Variants in NLRP2 observed in about 807,000 individuals in gnomAD.
NLRP2 encodes the protein NLR family pyrin domain containing 2.
Under a neutral mutation model 97.2 loss-of-function variants are expected in NLRP2, and 107 were observed. The ratio of observed to expected loss-of-function variants is 1.10; its 90% confidence interval spans 0.94 to 1.29. The LOEUF is 1.29. Among genes scored for constraint, NLRP2 ranks in the 50% most tolerant of loss-of-function variants. The pLI is 0.00. For missense variants in NLRP2, 1,495 were observed against 1,330.3 expected (o/e 1.12, Z -1.93); for synonymous variants, 663 against 551.5 (o/e 1.20, Z -2.83).
At chr19:55,000,652 AG>A (rs1413538852) in intron 12 of NLRP2, 107 bp from the exon 13 acceptor site, 14 of 1,115,116 alleles carry the variant, frequency 1.3e-5, no homozygotes, top group Non-Finnish European at 1.6e-5. Flanking sequence ...TAATCAGGAA[AG>A]GTGACCCATG....
Position 54,983,205 on chromosome 19 carries a change from C to T in NLRP2, c.1507C>T (p.His503Tyr), listed in dbSNP as rs780923397. The part of the protein sequence containing the change: ...RVSKGCYSFI[H>Y]LSFQQFLTAL... ...CTCCAAAGGCTGCTACTCCTTCATC[C>T]ACCTCAGCTTCCAGCAGTTTCTCAC... Residue 503 changes from histidine (H) to tyrosine (Y), a missense_variant, in exon 6 of 13, where the codon CAC (histidine) becomes TAC (tyrosine). By Grantham distance (83) the His-to-Tyr change is moderately conservative. Coordinates refer to ENST00000448584, the MANE Select transcript of NLRP2 (RefSeq NM_017852.5). The T allele has an allele frequency of 8.7e-6, 14 of 1,613,966 alleles. No individual in the cohort carries two copies. The highest frequency in any genetic ancestry group is 1.1e-5 in the Non-Finnish European group (13 of 1,180,014).
In NLRP2 at chr19:54,968,524, C is replaced by A. The variant is rs2070626011; in HGVS notation, c.-17-1475C>A. On this transcript the variant is annotated intron_variant, in intron 1 of 12. Transcript: ENST00000448584. ...TTTTTTTTGTATTTTTTTGTAGAGA[C>A]AGGGTTTTGCCATGTTGCCCAGGCT... 2.1e-5 allele frequency among the ~76,000 whole-genome samples: 3 copies of A among 145,564 alleles called. 1 individual carries two copies. In the South Asian group the frequency reaches 6.6e-4, roughly 32 times the overall value.
rs4806464 is a variant in NLRP2, at chr19:54,979,352, T to G, written c.397+1529T>G. Among the ~76,000 whole-genome samples, 9 of 152,006 alleles carry G rather than the reference T, an allele frequency of 5.9e-5. No individual in the cohort carries two copies. The South Asian group carries it at 8.3e-4, about 14-fold the overall frequency. Reference sequence around the variant, plus strand: ...CTTATCTTCCTGGTAGCATTTTTGTTTTTTCTTGAGAAAGAGTTTTGCCCT... The same window carrying G: ...CTTATCTTCCTGGTAGCATTTTTGTGTTTTCTTGAGAAAGAGTTTTGCCCT... On this transcript the variant is annotated intron_variant, in intron 4 of 12. Coordinates refer to ENST00000448584, the MANE Select transcript of NLRP2 (RefSeq NM_017852.5).
chr19:55,000,833 A>C lies in NLRP2; in HGVS notation c.3124A>C (p.Ile1042Leu). Reference sequence around the variant, plus strand: ...AATAGAAGAAAAAAACCCACAACTGATTATTGATACTGAGAAACATCATCC... The same window carrying C: ...AATAGAAGAAAAAAACCCACAACTGCTTATTGATACTGAGAAACATCATCC... ...EEIEEKNPQL[I>L]IDTEKHHPWA... Residue 1042 changes from isoleucine to leucine, a missense_variant, in exon 13 of 13, where the codon ATT becomes CTT. Transcript: ENST00000448584. The C allele has an allele frequency of 6.2e-7, 1 of 1,613,478 alleles. No homozygotes were observed. Among genetic ancestry groups the C allele is most frequent in the Non-Finnish European group, 8.5e-7 (1 of 1,179,458 alleles).
chr19:54,981,246 A>G (rs116247024), intron 4 of NLRP2, among the ~76,000 whole-genome samples: 2,635 of 152,056 alleles, frequency 0.017, 86 homozygotes, highest in African/African-American at 0.059. Context: ...CTCTTACTAC[A>G]ACCTCCATCT....
intron 1 of NLRP2, among the ~76,000 whole-genome samples, chr19:54,967,029 C>T (rs1272207231): frequency 6.6e-6 from 1 of 151,418 alleles, no homozygotes; most frequent in Non-Finnish European, 1.5e-5. Context: ...TTATTATTAC[C>T]ACTGTTTGCA....
chr19:54,990,688 C>T lies in NLRP2; in HGVS notation c.2708+16C>T, dbSNP rs2072417223. ...AGACCTTGGTGTAAGTCCGTGCTGG[C>T]TGCCTGTGTGCGTGGGTGTATATGC... On this transcript the variant is annotated intron_variant, in intron 10 of 12. Transcript: ENST00000448584. The T allele has an allele frequency of 1.9e-6, 3 of 1,613,966 alleles. No homozygotes were observed. The highest frequency in any genetic ancestry group is 2.5e-6 in the Non-Finnish European group (3 of 1,180,008).
chr19:54,984,967 G>T lies in NLRP2; in HGVS notation c.2031-80G>T, dbSNP rs199475718. ...TTTCAATTGTACTCATTTGTCAGGG[G>T]TATATGCCCAGAGAAACCCTAAATA... is the stretch of plus-strand genomic sequence containing the variant. On this transcript the variant is annotated intron_variant, in intron 6 of 12. Coordinates refer to ENST00000448584, the MANE Select transcript of NLRP2 (RefSeq NM_017852.5). 2.3e-5 allele frequency: 31 copies of T among 1,340,670 alleles called. No homozygotes were observed. In the East Asian group the frequency reaches 5.7e-4, roughly 25 times the overall value. 83.0% of individuals were successfully genotyped at this position (1,340,670 alleles called of 1,614,324 possible).
upstream of NLRP2, among the ~76,000 whole-genome samples, chr19:54,965,604 C>T (rs1339970919): frequency 2.9e-5 from 1 of 34,244 alleles, no homozygotes; most frequent in Non-Finnish European, 5.6e-5. Context: ...TACAGGCGCC[C>T]GCCACCACGC....
In NLRP2 at chr19:54,985,352, C is replaced by G. The variant is rs908489921; in HGVS notation, c.2201+135C>G. 14 of 836,352 alleles carry G rather than the reference C, an allele frequency of 1.7e-5. No homozygotes were observed. The Admixed American group carries it at 2.9e-4, about 18-fold the overall frequency. The allele number at this position is 836,352 out of a possible 1,614,324, so 51.8% of individuals were successfully genotyped here. A position where few individuals can be genotyped will look rare whatever the true frequency, so the allele number is the denominator to read the frequency against. ...CACAGGGAATTGAGAGAGTCCTGTC[C>G]TTAAATTTATTTTGTGGGATAATCG... On this transcript the variant is annotated intron_variant, in intron 7 of 12. Coordinates refer to ENST00000448584, the MANE Select transcript of NLRP2 (RefSeq NM_017852.5).
chr19:54,982,039 A>C, intron 5 of NLRP2, 123 bp from the exon 6 acceptor site: 2 of 1,258,040 alleles, frequency 1.6e-6, no homozygotes, highest in South Asian at 2.4e-5. Context: ...CGACCTCCCA[A>C]AGGGCTGGGA....
chr19:54,984,500 T>TTTTTTTTTTTTTTTTTTTTTTTTTTTTTG (rs764786892), intron 6 of NLRP2, among the ~76,000 whole-genome samples: 1 of 132,852 alleles, frequency 7.5e-6, no homozygotes, highest in African/African-American at 2.9e-5. Flanking sequence ...TTTTTTTTTT[T>TTTTTTTTTTTTTTTTTTTTTTTTTTTTTG]GAGACGGAGT....
chr19:54,968,811 C>T (rs974359243), intron 1 of NLRP2, among the ~76,000 whole-genome samples: 1 of 151,280 alleles, frequency 6.6e-6, no homozygotes, highest in African/African-American at 2.4e-5. Flanking sequence ...AAGCGATTCT[C>T]CTGCCTCAGC....
intron 9 of NLRP2, 65 bp downstream of exon 9, chr19:54,990,257 C>T (rs773887282): frequency 7.2e-6 from 11 of 1,532,522 alleles, no homozygotes; most frequent in Non-Finnish European, 9.0e-6. Flanking sequence ...GAGCAATGGT[C>T]ATGCCTGACT....
At position 54,986,173 on chromosome 19, in the gene NLRP2, G is replaced by C. The variant is rs774007013; in HGVS notation, c.2224G>C (p.Asp742His). ...TAGGTTCAAAAACATTTCCCCAGCT[G>C]ATGCTCATCGGAACCTCTGCCTAGC... ...RVVFKNISPADAHRNLCLALR... is the reference protein window; with the variant it reads ...RVVFKNISPAHAHRNLCLALR... The change falls in exon 8 of 13, where the codon GAT (aspartate) becomes CAT (histidine). Residue 742 changes from aspartate (D) to histidine (H), a missense_variant. Coordinates refer to ENST00000448584, the MANE Select transcript of NLRP2 (RefSeq NM_017852.5). The C allele has an allele frequency of 1.2e-6, 2 of 1,613,524 alleles. No homozygotes were observed. Among genetic ancestry groups the C allele is most frequent in the Admixed American group, 3.3e-5 (2 of 59,990 alleles).
chr19:54,969,857 A>T, intron 1 of NLRP2, 142 bp from the exon 2 acceptor site: 1 of 798,720 alleles, frequency 1.3e-6, no homozygotes. Context: ...GGGTCTCACT[A>T]TGTTGCCCAG....
chr19:54,980,605 G>C (rs550506166), intron 4 of NLRP2, among the ~76,000 whole-genome samples: 103 of 152,358 alleles, frequency 6.8e-4, no homozygotes, highest in African/African-American at 2.4e-3. Flanking sequence ...GTCATGAGTA[G>C]CTCACTGCCA....
intron 4 of NLRP2, among the ~76,000 whole-genome samples, chr19:54,979,691 T>C (rs1401495020): frequency 6.6e-6 from 1 of 152,024 alleles, no homozygotes; most frequent in African/African-American, 2.4e-5. Context: ...TTGCTATGGC[T>C]CTGTATAATA....
At chr19:54,973,573 C>A (rs1162457006) in intron 2 of NLRP2, among the ~76,000 whole-genome samples, 3 of 151,916 alleles carry the variant, frequency 2.0e-5, no homozygotes, top group African/African-American at 7.2e-5. Flanking sequence ...AGGGTTTTAC[C>A]ATGTTGACCA....
Sources: allele counts gnomAD v4.1 joint callset (sites outside exome capture counted in the v4.1 genomes callset), GRCh38; gene constraint gnomAD v4.1.1; transcripts MANE v1.5; gene names NCBI Gene and HGNC (gene_info 2026-07-23, HGNC 2026-07-21).